WDR6: variants seen among roughly 807,000 people sequenced by gnomAD.
The protein encoded by WDR6 is WD repeat domain 6.
A neutral mutation model predicts 85.6 loss-of-function variants in WDR6; 58 were observed. That is an observed-to-expected ratio of 0.68 (90% CI 0.55 to 0.84). The LOEUF (loss-of-function observed/expected upper bound fraction) is 0.84, where lower values mean the gene tolerates loss of function less well. Among genes scored for constraint, WDR6 ranks in the 40% least tolerant of loss-of-function variants. The pLI, the probability that WDR6 is intolerant of heterozygous loss-of-function variation, is 0.00. For missense variants in WDR6, 1,310 were observed against 1,476.4 expected (o/e 0.89, Z 1.85); for synonymous variants, 569 against 582.2 (o/e 0.98, Z 0.33).
rs762832120 is a variant in WDR6, at chr3:49,011,859, C to T, written c.325C>T (p.Arg109Cys). Residue 109 changes from arginine to cysteine, a missense_variant, in exon 2 of 6, where the codon CGC becomes TGC. Arg to Cys is a radical substitution (Grantham distance 180). Transcript: ENST00000608424. ...WGQGHFWELWRSGLWNMSDWI... is the reference protein window; with the variant it reads ...WGQGHFWELWCSGLWNMSDWI... ...ACAGGGCCACTTCTGGGAGCTTTGG[C>T]GCTCTGGCCTGTGGAACATGTCTGA... The T allele has an allele frequency of 1.9e-6, 3 of 1,614,202 alleles. No homozygotes were observed. Among genetic ancestry groups the T allele is most frequent in the South Asian group, 2.2e-5 (2 of 91,084 alleles).
Position 49,014,698 on chromosome 3 carries a change from T to G in WDR6, c.2882T>G (p.Val961Gly), listed in dbSNP as rs747631574. 2.7e-5 allele frequency: 44 copies of G among 1,613,198 alleles called. No homozygotes were observed. Among genetic ancestry groups the G allele is most frequent in the Non-Finnish European group, 3.4e-5 (40 of 1,179,924 alleles). ...GACTCCACTGTCCTGGAGCCTCCAG[T>G]GGATCCTGGGCTTCCCTACCGTGAG... is the stretch of plus-strand genomic sequence containing the variant. ...DHDSTVLEPP[V>G]DPGLPYRLGT... is the part of the protein sequence containing the mutation. The change falls in exon 5 of 6, where the codon GTG (valine) becomes GGG (glycine). Residue 961 changes from valine to glycine, a missense_variant. Physicochemically the swap from Val to Gly is moderately radical, Grantham distance 109. Coordinates refer to ENST00000608424, the MANE Select transcript of WDR6 (RefSeq NM_018031.6). This position sits in a 1 kb window ranked among gnomAD's most constrained non-coding sequence, Gnocchi z 4.9.
chr3:49,007,557 G>C lies in WDR6; in HGVS notation c.100+26G>C, dbSNP rs751378569. ...GTGAGGCTTGGCTTGAGGCACGCCT[G>C]GTGGAAAGGGGGAAAGAAACAGCGC... On this transcript the variant is annotated intron_variant, in intron 1 of 5. Coordinates refer to ENST00000608424, the MANE Select transcript of WDR6 (RefSeq NM_018031.6). The surrounding 1 kb of genome is among the most constrained non-coding windows in gnomAD (Gnocchi z 5.1). 1 of 1,567,812 alleles carries C rather than the reference G, an allele frequency of 6.4e-7. No individual in the cohort carries two copies. Among genetic ancestry groups the C allele is most frequent in the East Asian group, 2.3e-5 (1 of 43,594 alleles).
chr3:49,015,899 C>CCAT lies in WDR6; in HGVS notation c.*613_*615dup, dbSNP rs747982898. On this transcript the variant is annotated 3_prime_UTR_variant, in exon 6 of 6. Coordinates refer to ENST00000608424, the MANE Select transcript of WDR6 (RefSeq NM_018031.6). Reference sequence around the variant, plus strand: ...TAGAGACAGAGACTGAGTCACTGGCCCATCTCTTTGCTCTTGTGCCCCAGG... The same window carrying CCAT: ...TAGAGACAGAGACTGAGTCACTGGCCCATCATCTCTTTGCTCTTGTGCCCCAGG... The CCAT allele has an allele frequency of 1.1e-5, 17 of 1,614,020 alleles. No individual in the cohort carries two copies. Among genetic ancestry groups the CCAT allele is most frequent in the Non-Finnish European group, 5.1e-6 (6 of 1,180,048 alleles).
In WDR6 at chr3:49,012,977, T is replaced by G; in HGVS notation, c.1443T>G (p.Arg481=). The change falls in exon 2 of 6, where the codon CGT becomes CGG. Residue 481 remains arginine (R), a synonymous_variant. Transcript: ENST00000608424. This position sits in a 1 kb window ranked among gnomAD's most constrained non-coding sequence, Gnocchi z 4.4. ...GCAAGGCCATCTTTGTCAAGGAACG[T>G]TGTCGGTACCTGCTGCCCCCAAGCA... ...PSGKAIFVKE[R]CRYLLPPSKQ... 6.2e-7 allele frequency: 1 copy of G among 1,613,826 alleles called. No individual in the cohort carries two copies. Among genetic ancestry groups the G allele is most frequent in the Non-Finnish European group, 8.5e-7 (1 of 1,179,966 alleles).
Position 49,007,444 on chromosome 3 carries a change from G to C in WDR6, c.13G>C (p.Glu5Gln). ...CTCGAGGATCGACATGGACGCTCTC[G>C]AGGACTACGTTTGGCCGCGGGCAAC... is the stretch of plus-strand genomic sequence containing the variant. MDAL[E>Q]DYVWPRATSE... is the part of the protein sequence containing the mutation. Residue 5 changes from glutamate (E) to glutamine (Q), a missense_variant, in exon 1 of 6, where the codon GAG (glutamate) becomes CAG (glutamine). Physicochemically the swap from Glu to Gln is conservative, Grantham distance 29 (BLOSUM62 2). Coordinates refer to ENST00000608424, the MANE Select transcript of WDR6 (RefSeq NM_018031.6). The surrounding 1 kb of genome is among the most constrained non-coding windows in gnomAD (Gnocchi z 5.1). 1 of 1,612,142 alleles carries C rather than the reference G, an allele frequency of 6.2e-7. No individual in the cohort carries two copies. The highest frequency in any genetic ancestry group is 8.5e-7 in the Non-Finnish European group (1 of 1,179,214).
In WDR6 at chr3:49,012,230, C is replaced by T. The variant is rs375831228; in HGVS notation, c.696C>T (p.Ser232=). ...GLLATASEDR[S]VRIWKVGDLR... ...TGGCTACAGCTTCAGAAGACCGAAG[C>T]GTTCGTATCTGGAAGGTGGGCGACC... The change falls in exon 2 of 6, where the codon AGC becomes AGT. Residue 232 remains serine, a synonymous_variant. Coordinates refer to ENST00000608424, the MANE Select transcript of WDR6 (RefSeq NM_018031.6). The surrounding 1 kb of genome is among the most constrained non-coding windows in gnomAD (Gnocchi z 4.4). 15 of 1,614,150 alleles carry T rather than the reference C, an allele frequency of 9.3e-6. No homozygotes were observed. The East Asian group carries it at 1.1e-4, about 12-fold the overall frequency.
chr3:49,007,713 G>A lies in WDR6; in HGVS notation c.100+182G>A. Reference sequence around the variant, plus strand: ...GACGAGGGCCAACCTGAAGAGGGCGGGGCCCGAGAGACAAAGCTGATGTGG... The same window carrying A: ...GACGAGGGCCAACCTGAAGAGGGCGAGGCCCGAGAGACAAAGCTGATGTGG... On this transcript the variant is annotated intron_variant, in intron 1 of 5. Transcript: ENST00000608424. The surrounding 1 kb of genome is among the most constrained non-coding windows in gnomAD (Gnocchi z 5.1). 1 of 1,295,194 alleles carries A rather than the reference G, an allele frequency of 7.7e-7. No individual in the cohort carries two copies. The highest frequency in any genetic ancestry group is 9.9e-7 in the Non-Finnish European group (1 of 1,014,008). 80.2% of individuals were successfully genotyped at this position (1,295,194 alleles called of 1,614,324 possible).
chr3:49,010,266 C>T (rs1446510556), intron 1 of WDR6, among the ~76,000 whole-genome samples: 6 of 151,266 alleles, frequency 4.0e-5, no homozygotes, highest in African/African-American at 1.5e-4. Context: ...ATTAGCCGGG[C>T]ATGGTGGCGG....
Position 49,014,287 on chromosome 3 carries a change from C to A in WDR6, c.2660C>A (p.Ala887Asp), listed in dbSNP as rs2093036854. The A allele has an allele frequency of 6.2e-7, 1 of 1,613,954 alleles. No individual in the cohort carries two copies. Among genetic ancestry groups the A allele is most frequent in the Non-Finnish European group, 8.5e-7 (1 of 1,180,018 alleles). The stretch of plus-strand genomic sequence containing the variant: ...GTGGCTGCAGCCTGTAGTGATGGGG[C>A]CGTAAGGTGAGAGCATAGGGCCCAG... ...PLVAAACSDG[A>D]VRLFLLQDSG... is the part of the protein sequence containing the mutation. The change falls in exon 3 of 6, where the codon GCC becomes GAC. Residue 887 changes from alanine (A) to aspartate (D), a missense_variant. Ala to Asp is a moderately radical substitution (Grantham distance 126, BLOSUM62 -2). Coordinates refer to ENST00000608424, the MANE Select transcript of WDR6 (RefSeq NM_018031.6). The surrounding 1 kb of genome is among the most constrained non-coding windows in gnomAD (Gnocchi z 4.9).
rs1045572359 is a variant in WDR6, at chr3:49,011,623, G to C, written c.101-12G>C. 1.2e-6 allele frequency: 2 copies of C among 1,612,558 alleles called. No individual in the cohort carries two copies. The highest frequency in any genetic ancestry group is 4.5e-5 in the East Asian group (2 of 44,820). ...GTACCTAGCTCTGACATGGCTCTTT[G>C]CCTCTATCTAGGTGAGGGTCCCGAT... On this transcript the variant is annotated splice_polypyrimidine_tract_variant and intron_variant, in intron 1 of 5. Coordinates refer to ENST00000608424, the MANE Select transcript of WDR6 (RefSeq NM_018031.6).
Position 49,007,404 on chromosome 3 carries a change from T to C in WDR6, c.-28T>C, listed in dbSNP as rs747631727. On this transcript the variant is annotated 5_prime_UTR_variant, in exon 1 of 6. Coordinates refer to ENST00000608424, the MANE Select transcript of WDR6 (RefSeq NM_018031.6). This position sits in a 1 kb window ranked among gnomAD's most constrained non-coding sequence, Gnocchi z 5.1. ...GAGAGTTCAGCTCCCTTCTTAGCCGTGGCTGCCTCAGCACCTCGAGGATCG... is the reference window on the plus strand; with the variant it reads ...GAGAGTTCAGCTCCCTTCTTAGCCGCGGCTGCCTCAGCACCTCGAGGATCG... The C allele has an allele frequency of 1.9e-6, 3 of 1,599,604 alleles. No homozygotes were observed. In the African/African-American group the frequency reaches 4.0e-5, roughly 21 times the overall value.
At position 49,012,573 on chromosome 3, in the gene WDR6, A is replaced by G; in HGVS notation, c.1039A>G (p.Arg347Gly). The change falls in exon 2 of 6, where the codon AGG (arginine) becomes GGG (glycine). Residue 347 changes from arginine (R) to glycine (G), a missense_variant. Coordinates refer to ENST00000608424, the MANE Select transcript of WDR6 (RefSeq NM_018031.6). This position sits in a 1 kb window ranked among gnomAD's most constrained non-coding sequence, Gnocchi z 4.4. ...VSALCFKSRS[R>G]PGTLKAVTLA... The stretch of plus-strand genomic sequence containing the variant: ...GGCTCTCTGCTTCAAGTCCCGTAGT[A>G]GGCCAGGTACACTCAAGGCTGTGAC... 1.2e-6 allele frequency: 2 copies of G among 1,613,906 alleles called. No homozygotes were observed. The highest frequency in any genetic ancestry group is 1.7e-6 in the Non-Finnish European group (2 of 1,180,016).
At position 49,007,902 on chromosome 3, in the gene WDR6, C is replaced by G. The variant is rs1438280955; in HGVS notation, c.100+371C>G. ...GAGATGGGCGGGGGCTTGGCCTCTC[C>G]GAAGGAGACGGGGCCGAGCTGGGGG... On this transcript the variant is annotated intron_variant, in intron 1 of 5. Coordinates refer to ENST00000608424, the MANE Select transcript of WDR6 (RefSeq NM_018031.6). The surrounding 1 kb of genome is among the most constrained non-coding windows in gnomAD (Gnocchi z 5.1). 2.8e-4 allele frequency among the ~76,000 whole-genome samples: 29 copies of G among 103,202 alleles called. No individual in the cohort carries two copies. Among genetic ancestry groups the G allele is most frequent in the African/African-American group, 1.1e-3 (27 of 25,312 alleles). 67.7% of individuals were successfully genotyped at this position (103,202 alleles called of 152,430 possible).
rs778618640 is a variant in WDR6, at chr3:49,012,083, G to A, written c.549G>A (p.Gln183=). Residue 183 remains glutamine (Q), a synonymous_variant, in exon 2 of 6, where the codon CAG becomes CAA. Transcript: ENST00000608424. This position sits in a 1 kb window ranked among gnomAD's most constrained non-coding sequence, Gnocchi z 4.4. ...TAGTGGCAGGTGCTGTTTCCAACCA[G>A]CTCTTGGTCTGGTACCCAGCAACTG... ...LTIVAGAVSN[Q]LLVWYPATAL... is the part of the protein sequence containing the mutation. 6.2e-7 allele frequency: 1 copy of A among 1,613,838 alleles called. No individual in the cohort carries two copies. The highest frequency in any genetic ancestry group is 1.1e-5 in the South Asian group (1 of 91,080).
chr3:49,014,246 C>T lies in WDR6; in HGVS notation c.2619C>T (p.Pro873=), dbSNP rs1266864555. 8.1e-6 allele frequency: 13 copies of T among 1,613,994 alleles called. No homozygotes were observed. Among genetic ancestry groups the T allele is most frequent in the Admixed American group, 3.3e-5 (2 of 60,004 alleles). ...TTGCTGTGTGTGAACTTGACCAGCC[C>T]GGCCTTGGCCCCCTTGTGGCTGCAG... ...MSLAVCELDQ[P]GLGPLVAAAC... The change falls in exon 3 of 6, where the codon CCC becomes CCT. Residue 873 remains proline, a synonymous_variant. Transcript: ENST00000608424. The surrounding 1 kb of genome is among the most constrained non-coding windows in gnomAD (Gnocchi z 4.9).
chr3:49,011,708 C>A lies in WDR6; in HGVS notation c.174C>A (p.Asn58Lys). 2 of 1,614,172 alleles carry A rather than the reference C, an allele frequency of 1.2e-6. No individual in the cohort carries two copies. Among genetic ancestry groups the A allele is most frequent in the Non-Finnish European group, 8.5e-7 (1 of 1,180,042 alleles). The change falls in exon 2 of 6, where the codon AAC (asparagine) becomes AAA (lysine). Residue 58 changes from asparagine (N) to lysine (K), a missense_variant. Asn to Lys is a moderately conservative substitution (Grantham distance 94, BLOSUM62 0). Transcript: ENST00000608424. ...GHLRMIKRVQ[N>K]LLGHYLIHGF... is the part of the protein sequence containing the mutation. ...TGCGGATGATAAAGCGAGTGCAGAA[C>A]CTGCTTGGCCACTATCTTATCCATG... is the stretch of plus-strand genomic sequence containing the variant.
Position 49,015,821 on chromosome 3 carries a change from G to T in WDR6, c.*533G>T, listed in dbSNP as rs761345422. On this transcript the variant is annotated 3_prime_UTR_variant, in exon 6 of 6. Transcript: ENST00000608424. ...GTGCTCACCCCCAGGATGTGTACCC[G>T]GTTGTAGTAGGAGCTGAAATCCATG... 1 of 1,614,064 alleles carries T rather than the reference G, an allele frequency of 6.2e-7. No homozygotes were observed. Among genetic ancestry groups the T allele is most frequent in the East Asian group, 2.2e-5 (1 of 44,892 alleles).
Position 49,013,301 on chromosome 3 carries a change from A to G in WDR6, c.1767A>G (p.Gly589=). 1 of 1,614,094 alleles carries G rather than the reference A, an allele frequency of 6.2e-7. No individual in the cohort carries two copies. Among genetic ancestry groups the G allele is most frequent in the East Asian group, 2.2e-5 (1 of 44,884 alleles). ...GGYVYTTGRD[G]AYYQLFVRDG... ...ATGTGTATACCACAGGGCGTGATGGAGCCTACTACCAGCTGTTTGTACGAG... is the reference window on the plus strand; with the variant it reads ...ATGTGTATACCACAGGGCGTGATGGGGCCTACTACCAGCTGTTTGTACGAG... Residue 589 remains glycine, a synonymous_variant, in exon 2 of 6, where the codon GGA becomes GGG. Coordinates refer to ENST00000608424, the MANE Select transcript of WDR6 (RefSeq NM_018031.6). The surrounding 1 kb of genome is among the most constrained non-coding windows in gnomAD (Gnocchi z 4.6).
Position 49,015,261 on chromosome 3 carries a change from G to A in WDR6, c.3339G>A (p.Gly1113=), listed in dbSNP as rs866264523. The change falls in exon 6 of 6, where the codon GGG becomes GGA. Residue 1113 remains glycine (G), a synonymous_variant. Transcript: ENST00000608424. ...ACCGTTGTGCCCTTGGGGGTCAGGG[G>A]CTTGAGGTTTACAACTGGTATGACT... ...FGHRCALGGQ[G]LEVYNWYD 1 of 1,611,954 alleles carries A rather than the reference G, an allele frequency of 6.2e-7. No homozygotes were observed. The highest frequency in any genetic ancestry group is 1.6e-4 in the Middle Eastern group (1 of 6,062).
Sources: gnomAD v4.1 joint callset for allele counts (sites outside exome capture counted in the v4.1 genomes callset) on GRCh38, gnomAD v4.1.1 for gene constraint, Gnocchi (gnomAD v3.1) non-coding constraint, MANE v1.5 for transcripts, NCBI Gene and HGNC (gene_info 2026-07-23, HGNC 2026-07-21) for gene names.